WDFY4: variants seen among roughly 807,000 people sequenced by gnomAD.
WDFY4 encodes the protein WDFY family member 4, also known as WD repeat- and FYVE domain-containing protein 4.
A neutral mutation model predicts 351.9 loss-of-function variants in WDFY4; 169 were observed. That is an observed-to-expected ratio of 0.48 (90% confidence interval 0.42 to 0.55). The LOEUF (loss-of-function observed/expected upper bound fraction) is 0.55. Ranked by LOEUF, WDFY4 falls within the 20% of genes least tolerant of loss-of-function variation. WDFY4 has a pLI of 0.00. For synonymous variants in WDFY4, 1,622 were observed against 1,574.6 expected, an observed-to-expected ratio of 1.03 and a Z score of -0.71; for missense variants, 3,803 against 3,935.6, an observed-to-expected ratio of 0.97 and a Z score of 0.90.
intron 12 of WDFY4, among the ~76,000 whole-genome samples, chr10:48,745,278 A>G (rs2064975261): frequency 1.3e-5 from 2 of 152,172 alleles, no homozygotes; most frequent in Non-Finnish European, 1.5e-5. Flanking sequence ...AAGGTGAGAG[A>G]AGGTGGATCG....
intron 47 of WDFY4, among the ~76,000 whole-genome samples, chr10:48,938,617 G>A (rs1232687801): frequency 6.6e-6 from 1 of 152,226 alleles, no homozygotes; most frequent in Non-Finnish European, 1.5e-5. Flanking sequence ...GTCAAAGCAG[G>A]ACTATGGGGC....
intron 13 of WDFY4, among the ~76,000 whole-genome samples, chr10:48,766,176 A>G (rs904207747): frequency 6.6e-6 from 1 of 152,194 alleles, no homozygotes; most frequent in Non-Finnish European, 1.5e-5. Context: ...AATACATTCA[A>G]AATCTGTTTC....
chr10:48,836,805 C>T (rs1398127660), intron 39 of WDFY4, among the ~76,000 whole-genome samples: 3 of 152,148 alleles, frequency 2.0e-5, no homozygotes, highest in Non-Finnish European at 2.9e-5. Flanking sequence ...CCCTTGAGGC[C>T]ACCAAAGGGC....
At chr10:48,762,522 G>A (rs762875433) in intron 13 of WDFY4, among the ~76,000 whole-genome samples, 32 of 152,232 alleles carry the variant, frequency 2.1e-4, no homozygotes, top group Admixed American at 2.6e-4. Context: ...TGTGGGTCAG[G>A]GATTCAGAAG....
intron 55 of WDFY4, chr10:48,966,892 C>A: frequency 1.7e-6 from 1 of 587,112 alleles, no homozygotes; most frequent in Non-Finnish European, 2.9e-6. Context: ...AGACCCACGT[C>A]TCTCTGTCTT....
chr10:48,832,214 A>G (rs2133066928), intron 38 of WDFY4, among the ~76,000 whole-genome samples: 1 of 152,352 alleles, frequency 6.6e-6, no homozygotes, highest in Non-Finnish European at 1.5e-5. Flanking sequence ...GTCTTTAAAC[A>G]CATCTTATGT....
Position 48,690,435 on chromosome 10 carries a change from T to A in WDFY4, c.-18+5434T>A, listed in dbSNP as rs369381409. ...GAAACCTCTGTGGCCAGTGGCACCT[T>A]TGCCTGAGTTCTTGTCCTGCATCCA... On this transcript the variant is annotated intron_variant, in intron 1 of 61. Transcript: ENST00000325239. Among the ~76,000 whole-genome samples the A allele has an allele frequency of 3.3e-4, 51 of 152,298 alleles. 2 individuals carry two copies. The highest frequency in any genetic ancestry group is 1.2e-3 in the African/African-American group (49 of 41,564).
chr10:48,957,144 G>T lies in WDFY4; in HGVS notation c.7993G>T (p.Val2665Leu), dbSNP rs200398332. 2 of 1,550,174 alleles carry T rather than the reference G, an allele frequency of 1.3e-6. No individual in the cohort carries two copies. Among genetic ancestry groups the T allele is most frequent in the Admixed American group, 3.9e-5 (2 of 50,966 alleles). Reference protein sequence around the residue: ...FCALQGGSFDVADRMFHSVKS... With the variant: ...FCALQGGSFDLADRMFHSVKS... ...TTTCCCCCAGGGCGGAAGCTTCGAC[G>T]TGGCAGACAGAATGTTCCACAGTGT... Residue 2665 changes from valine to leucine, a missense_variant, in exon 52 of 62, where the codon GTG becomes TTG. By Grantham distance (32) the Val-to-Leu change is conservative. This residue lies in a region of WDFY4 where 3,054 missense variants were observed against 3,148.6 expected (regional missense o/e 0.97). Transcript: ENST00000325239.
chr10:48,821,995 T>C (rs940657032), intron 34 of WDFY4, among the ~76,000 whole-genome samples: 1 of 152,190 alleles, frequency 6.6e-6, no homozygotes, highest in African/African-American at 2.4e-5. Flanking sequence ...ACCTGCTGTG[T>C]TGGTGAGCAT....
chr10:48,750,108 C>T (rs1231103282), intron 12 of WDFY4, among the ~76,000 whole-genome samples: 1 of 152,242 alleles, frequency 6.6e-6, no homozygotes, highest in Non-Finnish European at 1.5e-5. Flanking sequence ...CAGCTTCATC[C>T]TAATCTTTCC....
At chr10:48,698,502 C>T (rs532274216) in intron 1 of WDFY4, among the ~76,000 whole-genome samples, 7 of 152,240 alleles carry the variant, frequency 4.6e-5, no homozygotes, top group African/African-American at 1.4e-4. Flanking sequence ...GGCAAGAGGC[C>T]TTCACCCCAC....
rs1238040176 is a variant in WDFY4 at position 48,715,938 on chromosome 10, C to T, written c.235-4073C>T. Among the ~76,000 whole-genome samples the T allele has an allele frequency of 6.6e-5, 10 of 151,996 alleles. 1 individual carries two copies. The highest frequency in any genetic ancestry group is 9.6e-5 in the African/African-American group (4 of 41,452). ...TGCTGGGTTTACAGGTGTGAGCCAC[C>T]GCGCCCGGCCACCAACAATTATTTT... On this transcript the variant is annotated intron_variant, in intron 2 of 61. Coordinates refer to ENST00000325239, the MANE Select transcript of WDFY4 (RefSeq NM_001394531.1).
At chr10:48,975,497 T>C (rs1842528620) in intron 58 of WDFY4, among the ~76,000 whole-genome samples, 1 of 152,194 alleles carries the variant, frequency 6.6e-6, no homozygotes, top group South Asian at 2.1e-4. Flanking sequence ...TGAAGCCCTG[T>C]CATGGGATAT....
At chr10:48,733,082 CTTTG>C in intron 9 of WDFY4, among the ~76,000 whole-genome samples, 1 of 152,370 alleles carries the variant, frequency 6.6e-6, no homozygotes, top group South Asian at 2.1e-4. Context: ...TGCACCGTCT[CTTTG>C]TTTGGTGGTT....
At chr10:48,855,042 A>C (rs545233006) in intron 39 of WDFY4, among the ~76,000 whole-genome samples, 9 of 152,296 alleles carry the variant, frequency 5.9e-5, no homozygotes, top group African/African-American at 2.2e-4. Flanking sequence ...CAATATTGAA[A>C]AAAATTGCAA....
At chr10:48,735,817 A>T in intron 10 of WDFY4, 63 bp from the exon 11 acceptor site, 1 of 1,405,104 alleles carries the variant, frequency 7.1e-7, no homozygotes, top group South Asian at 1.4e-5. Context: ...TTTTCTTTTG[A>T]TTGAAACTGA....
At chr10:48,876,788 G>A (rs2070029853) in intron 42 of WDFY4, among the ~76,000 whole-genome samples, 1 of 152,232 alleles carries the variant, frequency 6.6e-6, no homozygotes, top group Admixed American at 6.5e-5. Flanking sequence ...GAACAGCTAG[G>A]CCTGGGCATA....
intron 47 of WDFY4, among the ~76,000 whole-genome samples, chr10:48,934,273 T>G (rs1475929242): frequency 6.6e-6 from 1 of 152,224 alleles, no homozygotes; most frequent in Non-Finnish European, 1.5e-5. Context: ...AGACACTACC[T>G]ACTTTTTAGC....
intron 12 of WDFY4, 43 bp downstream of exon 12, chr10:48,743,591 C>A: frequency 6.7e-7 from 1 of 1,502,252 alleles, no homozygotes; most frequent in Non-Finnish European, 8.9e-7. Flanking sequence ...TCTCTGTCTC[C>A]CATTCTCACT....
Sources: allele counts gnomAD v4.1 joint callset (sites outside exome capture counted in the v4.1 genomes callset), GRCh38; gene constraint gnomAD v4.1.1; regional missense constraint gnomAD v4.1.1; transcripts MANE v1.5; gene names NCBI Gene and HGNC (gene_info 2026-07-23, HGNC 2026-07-21).